The following PCCB variants were observed in gnomAD, a reference collection of about 807,000 sequenced individuals.
The protein encoded by PCCB is propionyl-CoA carboxylase beta chain, mitochondrial.
Under a neutral mutation model 60.7 loss-of-function variants are expected in PCCB, and 43 were observed. That is an observed-to-expected ratio of 0.71 (90% CI 0.55 to 0.91). The LOEUF (loss-of-function observed/expected upper bound fraction) is 0.91. Ranked by LOEUF, PCCB falls within the 40% of genes least tolerant of loss-of-function variation. The pLI is 0.00. For missense variants in PCCB, 766 were observed against 702.8 expected, an observed-to-expected ratio of 1.09 and a Z score of -1.02; for synonymous variants, 276 against 255.9, an observed-to-expected ratio of 1.08 and a Z score of -0.75.
intron 5 of PCCB, among the ~76,000 whole-genome samples, chr3:136,266,427 CCAGT>C (rs988471084): frequency 6.6e-6 from 1 of 152,008 alleles, no homozygotes; most frequent in African/African-American, 2.4e-5. Context: ...CCGCACCCAG[CCAGT>C]CTTTTTTTGA....
rs1942046237 is a variant in PCCB at position 136,267,827 on chromosome 3, T to C, written c.543+5762T>C. 2.0e-5 allele frequency among the ~76,000 whole-genome samples: 3 copies of C among 151,876 alleles called. No homozygotes were observed. The South Asian group carries it at 6.2e-4, about 32-fold the overall frequency. The stretch of plus-strand genomic sequence containing the variant: ...GGTGGAGAAGTTTTTAATTTTGAAG[T>C]CCAGTTTATCAAGTTTTCTTTTGTG... On this transcript the variant is annotated intron_variant, in intron 5 of 14. Transcript: ENST00000251654.
At chr3:136,297,019 C>A (rs546361555) in intron 7 of PCCB, among the ~76,000 whole-genome samples, 1 of 152,110 alleles carries the variant, frequency 6.6e-6, no homozygotes, top group Non-Finnish European at 1.5e-5. Flanking sequence ...GAAGGCAATA[C>A]GTGCTATGGA....
chr3:136,268,403 C>A (rs1224216633), intron 5 of PCCB, among the ~76,000 whole-genome samples: 3 of 150,766 alleles, frequency 2.0e-5, no homozygotes, highest in African/African-American at 7.3e-5. Flanking sequence ...AAAATAGAAC[C>A]ACACTGTCTT....
At chr3:136,296,200 A>T (rs1933931164) in intron 7 of PCCB, among the ~76,000 whole-genome samples, 1 of 152,204 alleles carries the variant, frequency 6.6e-6, no homozygotes, top group Admixed American at 6.5e-5. Flanking sequence ...ACCACAATCA[A>T]TTTCAGGACA....
intron 8 of PCCB, 88 bp from the exon 9 acceptor site, chr3:136,300,942 G>A: frequency 1.1e-6 from 1 of 918,250 alleles, no homozygotes; most frequent in South Asian, 1.3e-5. Context: ...CCTATGACGT[G>A]TCACCCCATT....
chr3:136,265,714 A>C (rs1339699329), intron 5 of PCCB, among the ~76,000 whole-genome samples: 5 of 152,200 alleles, frequency 3.3e-5, no homozygotes, highest in African/African-American at 9.7e-5. Flanking sequence ...ACTTTTTAAG[A>C]AATTGCCAGA....
chr3:136,299,412 A>T (rs188002803), intron 8 of PCCB, among the ~76,000 whole-genome samples: 1 of 152,108 alleles, frequency 6.6e-6, no homozygotes, highest in East Asian at 1.9e-4. Flanking sequence ...ATGTATATGC[A>T]TATGTATGTA....
chr3:136,268,087 G>GATAGATATAT (rs1942065134), intron 5 of PCCB, among the ~76,000 whole-genome samples: 1 of 93,800 alleles, frequency 1.1e-5, no homozygotes, highest in Non-Finnish European at 2.1e-5. Flanking sequence ...TGTGTGTGTA[G>GATAGATATAT]ATATATATAT....
At chr3:136,290,981 C>A (rs565395102) in intron 6 of PCCB, among the ~76,000 whole-genome samples, 4 of 152,074 alleles carry the variant, frequency 2.6e-5, no homozygotes, top group Non-Finnish European at 5.9e-5. Context: ...CTCAAGCATG[C>A]CCAGTCTACC....
Position 136,303,648 on chromosome 3 carries a change from A to G in PCCB, c.966+2537A>G, listed in dbSNP as rs189989849. Among the ~76,000 whole-genome samples, 9 of 121,888 alleles carry G rather than the reference A, an allele frequency of 7.4e-5. 4 individuals carry two copies. The Admixed American group carries it at 8.9e-4, about 12-fold the overall frequency. The allele number at this position is 121,888 out of a possible 152,430, so 80.0% of individuals were successfully genotyped here. ...GACAGAGTTTTGCTCTTGTCACCCAAGCTGGAATGCGGTGGCACAATCTCT... is the reference window on the plus strand; with the variant it reads ...GACAGAGTTTTGCTCTTGTCACCCAGGCTGGAATGCGGTGGCACAATCTCT... On this transcript the variant is annotated intron_variant, in intron 9 of 14. Transcript: ENST00000251654.
At chr3:136,268,710 C>T (rs777824011) in intron 5 of PCCB, among the ~76,000 whole-genome samples, 2 of 151,874 alleles carry the variant, frequency 1.3e-5, no homozygotes, top group East Asian at 1.9e-4. Context: ...GTGATCCACC[C>T]GCCTCGGCCT....
intron 6 of PCCB, among the ~76,000 whole-genome samples, chr3:136,292,322 T>C (rs890410969): frequency 2.0e-5 from 3 of 152,022 alleles, no homozygotes; most frequent in Admixed American, 6.6e-5. Context: ...CCTTTGTAGC[T>C]AGACCTTTCT....
chr3:136,251,644 C>T (rs1941520098), intron 1 of PCCB, among the ~76,000 whole-genome samples: 1 of 152,112 alleles, frequency 6.6e-6, no homozygotes, highest in African/African-American at 2.4e-5. Context: ...GGGGCTACTT[C>T]TAACCTACTC....
intron 4 of PCCB, among the ~76,000 whole-genome samples, chr3:136,261,370 C>T (rs1452803357): frequency 6.6e-6 from 1 of 152,116 alleles, no homozygotes; most frequent in Non-Finnish European, 1.5e-5. Context: ...ACTTTTAAAC[C>T]TTAATTTTTC....
chr3:136,270,784 G>C (rs1942177574), intron 5 of PCCB, among the ~76,000 whole-genome samples: 1 of 152,182 alleles, frequency 6.6e-6, no homozygotes, highest in African/African-American at 2.4e-5. Flanking sequence ...GGGATTACAG[G>C]CATGAGCCCC....
chr3:136,283,665 A>G (rs1942536736), intron 5 of PCCB, among the ~76,000 whole-genome samples, 172 bp from the exon 6 acceptor site: 1 of 152,144 alleles, frequency 6.6e-6, no homozygotes, highest in Non-Finnish European at 1.5e-5. Flanking sequence ...AGTTACGGGG[A>G]GAAAATGCAC....
At chr3:136,312,767 T>A (rs1934719263) in intron 9 of PCCB, among the ~76,000 whole-genome samples, 1 of 152,118 alleles carries the variant, frequency 6.6e-6, no homozygotes, top group African/African-American at 2.4e-5. Context: ...ACTGTGAAAA[T>A]TTTAAAATCC....
At chr3:136,317,393 C>CT (rs1560028791) in intron 10 of PCCB, among the ~76,000 whole-genome samples, 1 of 150,980 alleles carries the variant, frequency 6.6e-6, no homozygotes, top group Non-Finnish European at 1.5e-5. Flanking sequence ...GACTAATTTT[C>CT]TTTTTTTGTA....
At chr3:136,277,513 G>A (rs1425618531) in intron 5 of PCCB, among the ~76,000 whole-genome samples, 1 of 152,038 alleles carries the variant, frequency 6.6e-6, no homozygotes, top group African/African-American at 2.4e-5. Context: ...AGTAACCAGG[G>A]TGGGTGGAGG....
Sources: gnomAD v4.1 joint callset for allele counts (sites outside exome capture counted in the v4.1 genomes callset) on GRCh38, gnomAD v4.1.1 for gene constraint, MANE v1.5 for transcripts, NCBI Gene and HGNC (gene_info 2026-07-23, HGNC 2026-07-21) for gene names.